Variants in ST18 observed in about 807,000 individuals in gnomAD.
ST18 encodes the protein ST18 C2H2C-type zinc finger transcription factor, also known as suppression of tumorigenicity 18 protein.
ST18 carries 50 observed loss-of-function variants against 110.0 expected under a neutral mutation model. The ratio of observed to expected loss-of-function variants is 0.45; its 90% CI spans 0.36 to 0.58. The LOEUF (loss-of-function observed/expected upper bound fraction) is 0.58, where lower values mean the gene tolerates loss of function less well. ST18 is among the 20% of genes least tolerant of loss of function. The pLI, the probability that ST18 is intolerant of heterozygous loss-of-function variation, is 0.00. For synonymous variants in ST18, 461 were observed against 452.4 expected, an observed-to-expected ratio of 1.02 and a Z score of -0.24; for missense variants, 1,306 against 1,280.1, an observed-to-expected ratio of 1.02 and a Z score of -0.31.
At chr8:52,308,749 C>G (rs1052806114) in intron 2 of ST18, among the ~76,000 whole-genome samples, 1 of 152,192 alleles carries the variant, frequency 6.6e-6, no homozygotes, top group African/African-American at 2.4e-5. Context: ...GGGCAACCCC[C>G]CATCCCACAG....
chr8:52,341,849 C>T (rs1370541869), intron 2 of ST18, among the ~76,000 whole-genome samples: 1 of 131,700 alleles, frequency 7.6e-6, no homozygotes, highest in Admixed American at 8.2e-5. Context: ...TCCCCACTGC[C>T]TGGCCCAGGG....
chr8:52,164,172 G>T, intron 12 of ST18, 82 bp from the exon 13 acceptor site: 2 of 1,099,920 alleles, frequency 1.8e-6, no homozygotes, highest in Non-Finnish European at 1.4e-6. Context: ...CAGCACACTT[G>T]GCACACACTA....
intron 2 of ST18, among the ~76,000 whole-genome samples, chr8:52,373,569 G>A (rs1166207156): frequency 6.6e-6 from 1 of 151,644 alleles, no homozygotes; most frequent in Non-Finnish European, 1.5e-5. Flanking sequence ...CCAATTTCCT[G>A]CATCCCACTA....
At chr8:52,162,504 A>G (rs1587408257) in intron 13 of ST18, among the ~76,000 whole-genome samples, 1 of 152,296 alleles carries the variant, frequency 6.6e-6, no homozygotes, top group Middle Eastern at 3.4e-3. Context: ...CTTCAGTCAG[A>G]ATGTTTTTGC....
At chr8:52,387,992 G>A (rs1235153583) in intron 2 of ST18, among the ~76,000 whole-genome samples, 2 of 127,084 alleles carry the variant, frequency 1.6e-5, no homozygotes, top group African/African-American at 3.0e-5. Flanking sequence ...TTCTACAGAA[G>A]GTGAAAAGCT....
chr8:52,405,655 G>A (rs925104633), intron 2 of ST18: 1 of 152,172 alleles, frequency 6.6e-6, no homozygotes, highest in African/African-American at 2.4e-5. Context: ...AAATGTAGCT[G>A]TTGGAAGGGC....
rs142150721 is a variant in ST18 at position 52,269,489 on chromosome 8, C to T, written c.-464-39412G>A. 2.7e-3 allele frequency among the ~76,000 whole-genome samples: 404 copies of T among 152,216 alleles called. 3 individuals carry two copies. Among genetic ancestry groups the T allele is most frequent in the Non-Finnish European group, 2.3e-3 (155 of 68,010 alleles). On this transcript the variant is annotated intron_variant, in intron 2 of 25. Coordinates refer to ENST00000689386, the MANE Select transcript of ST18 (RefSeq NM_001352837.2). ...GACATTCCTGAGACAATACTAGCTGCCTGTTAGGCCACCAAGCAGCTGGGC... is the reference window on the plus strand; with the variant it reads ...GACATTCCTGAGACAATACTAGCTGTCTGTTAGGCCACCAAGCAGCTGGGC...
chr8:52,393,078 C>A (rs1308003693), intron 2 of ST18, among the ~76,000 whole-genome samples: 1 of 152,162 alleles, frequency 6.6e-6, no homozygotes, highest in East Asian at 1.9e-4. Flanking sequence ...CCCTATTCGC[C>A]TGCTTCAATA....
At position 52,352,424 on chromosome 8, in the gene ST18, A is replaced by T. The variant is rs376519814; in HGVS notation, c.-465+56904T>A. Among the ~76,000 whole-genome samples the T allele has an allele frequency of 8.5e-5, 13 of 152,336 alleles. No homozygotes were observed. In the East Asian group the frequency reaches 1.5e-3, roughly 18 times the overall value. On this transcript the variant is annotated intron_variant, in intron 2 of 25. Coordinates refer to ENST00000689386, the MANE Select transcript of ST18 (RefSeq NM_001352837.2). ...TTTTGAAACTAGCTTAAACATGGTC[A>T]TGGAACCCAGAGAGTGCTCCGAGAT...
intron 2 of ST18, among the ~76,000 whole-genome samples, chr8:52,397,446 C>G (rs1841518028): frequency 6.6e-6 from 1 of 152,156 alleles, no homozygotes; most frequent in Non-Finnish European, 1.5e-5. Flanking sequence ...TGTGCAGCAA[C>G]TTTCAGTTTG....
chr8:52,144,623 C>A (rs1056331691), intron 16 of ST18, among the ~76,000 whole-genome samples: 1 of 152,070 alleles, frequency 6.6e-6, no homozygotes, highest in Non-Finnish European at 1.5e-5. Context: ...TGATTTAGTA[C>A]AATTTATCCA....
chr8:52,114,341 T>C (rs1452191237), intron 25 of ST18, among the ~76,000 whole-genome samples: 3 of 152,108 alleles, frequency 2.0e-5, no homozygotes, highest in Non-Finnish European at 4.4e-5. Context: ...ACATGCTGGA[T>C]ACATGTAAAT....
intron 2 of ST18, among the ~76,000 whole-genome samples, chr8:52,361,290 G>A: frequency 6.6e-6 from 1 of 152,148 alleles, no homozygotes; most frequent in East Asian, 1.9e-4. Flanking sequence ...TATATAAAAA[G>A]ACAATATATA....
chr8:52,124,563 T>C (rs2046245572), intron 23 of ST18, among the ~76,000 whole-genome samples: 1 of 152,196 alleles, frequency 6.6e-6, no homozygotes, highest in African/African-American at 2.4e-5. Flanking sequence ...AGGAGATAAA[T>C]AAATACACAT....
intron 2 of ST18, among the ~76,000 whole-genome samples, chr8:52,311,296 C>A (rs542640135): frequency 6.6e-6 from 1 of 152,296 alleles, no homozygotes; most frequent in South Asian, 2.1e-4. Flanking sequence ...GTTATCTCCC[C>A]TGAACTTTAA....
chr8:52,165,979 A>G (rs1321958486), intron 11 of ST18, among the ~76,000 whole-genome samples: 2 of 152,144 alleles, frequency 1.3e-5, no homozygotes, highest in East Asian at 3.8e-4. Context: ...CTGAGGGTGG[A>G]GAGGGGGCCA....
chr8:52,117,238 C>T (rs866780387), intron 24 of ST18, among the ~76,000 whole-genome samples: 2 of 152,184 alleles, frequency 1.3e-5, no homozygotes, highest in African/African-American at 4.8e-5. Flanking sequence ...CACTTTTGCG[C>T]TTGCAGGGTT....
intron 2 of ST18, among the ~76,000 whole-genome samples, chr8:52,260,904 AG>A (rs780394116): frequency 9.9e-5 from 15 of 152,248 alleles, no homozygotes; most frequent in Admixed American, 6.5e-5. Context: ...TCTCAAACAA[AG>A]GATTCTCTGC....
At chr8:52,229,881 C>A (rs2136868185) in intron 3 of ST18, 151 bp downstream of exon 3, 1 of 152,398 alleles carries the variant, frequency 6.6e-6, no homozygotes, top group East Asian at 1.9e-4. Context: ...ACCCAAATTA[C>A]CATGAGGATG....
Sources: allele counts gnomAD v4.1 joint callset (sites outside exome capture counted in the v4.1 genomes callset), GRCh38; gene constraint gnomAD v4.1.1; transcripts MANE v1.5; gene names NCBI Gene and HGNC (gene_info 2026-07-23, HGNC 2026-07-21).